The following SGCZ variants were observed in gnomAD, a reference collection of about 807,000 sequenced individuals.
SGCZ encodes the protein zeta-sarcoglycan.
A neutral mutation model predicts 41.3 loss-of-function variants in SGCZ; 40 were observed. The ratio of observed to expected loss-of-function variants is 0.97; its 90% CI spans 0.75 to 1.26. SGCZ has a LOEUF of 1.26. Among genes scored for constraint, SGCZ ranks in the 50% most tolerant of loss-of-function variants. The pLI is 0.00. For missense variants in SGCZ, 552 were observed against 369.8 expected (o/e 1.49, Z -4.04); for synonymous variants, 206 against 137.5 (o/e 1.50, Z -3.49).
At chr8:15,074,227 A>G (rs766721643) in intron 1 of SGCZ, among the ~76,000 whole-genome samples, 3 of 152,150 alleles carry the variant, frequency 2.0e-5, no homozygotes, top group Non-Finnish European at 4.4e-5. Context: ...CTAAACTTCT[A>G]CTAACTTAAG....
intron 4 of SGCZ, among the ~76,000 whole-genome samples, chr8:14,175,979 A>G (rs1804530870): frequency 6.6e-6 from 1 of 152,186 alleles, no homozygotes; most frequent in African/African-American, 2.4e-5. Context: ...CATAACGACA[A>G]AAACTAGAAT....
intron 1 of SGCZ, among the ~76,000 whole-genome samples, chr8:14,988,727 C>T (rs1355485180): frequency 6.6e-6 from 1 of 151,908 alleles, no homozygotes; most frequent in South Asian, 2.1e-4. Context: ...GAAATGTTTC[C>T]TTGTGAAAAT....
chr8:14,873,205 T>A (rs1673173850), intron 1 of SGCZ, among the ~76,000 whole-genome samples: 1 of 152,142 alleles, frequency 6.6e-6, no homozygotes. Flanking sequence ...TAGCTTTGGC[T>A]GGAAGACTGA....
At chr8:14,659,831 A>G (rs1333857806) in intron 1 of SGCZ, among the ~76,000 whole-genome samples, 5 of 152,218 alleles carry the variant, frequency 3.3e-5, no homozygotes, top group Non-Finnish European at 5.9e-5. Flanking sequence ...CTGCATGTGT[A>G]CTATTTCAAG....
intron 1 of SGCZ, among the ~76,000 whole-genome samples, chr8:14,885,697 C>G (rs1353956996): frequency 2.6e-5 from 4 of 151,912 alleles, no homozygotes; most frequent in Non-Finnish European, 5.9e-5. Context: ...AATTGTAGGA[C>G]TCAAGTGATG....
intron 4 of SGCZ, among the ~76,000 whole-genome samples, chr8:14,228,893 CAGATT>C (rs1806465717): frequency 6.6e-6 from 1 of 151,980 alleles, no homozygotes; most frequent in Non-Finnish European, 1.5e-5. Context: ...ATGATTTTAC[CAGATT>C]AGCTACCCTT....
chr8:14,650,224 T>C (rs1807353174), intron 1 of SGCZ, among the ~76,000 whole-genome samples: 1 of 151,958 alleles, frequency 6.6e-6, no homozygotes, highest in African/African-American at 2.4e-5. Flanking sequence ...AGCCAGCAAA[T>C]GGATCAGGAG....
intron 1 of SGCZ, among the ~76,000 whole-genome samples, chr8:15,040,875 T>C (rs1804069741): frequency 6.6e-6 from 1 of 152,178 alleles, no homozygotes; most frequent in Admixed American, 6.5e-5. Flanking sequence ...TGTGGACTGA[T>C]AAATTGTGTT....
intron 1 of SGCZ, among the ~76,000 whole-genome samples, chr8:15,171,428 A>C (rs1251486231): frequency 6.6e-6 from 1 of 152,204 alleles, no homozygotes; most frequent in Non-Finnish European, 1.5e-5. Flanking sequence ...TATCAGGCAC[A>C]GGAAATAATA....
At chr8:15,109,663 C>T (rs1247391518) in intron 1 of SGCZ, among the ~76,000 whole-genome samples, 1 of 152,034 alleles carries the variant, frequency 6.6e-6, no homozygotes, top group African/African-American at 2.4e-5. Context: ...GGGCAAACTC[C>T]AAGCATTTCT....
At chr8:14,414,110 T>C (rs190772795) in intron 2 of SGCZ, among the ~76,000 whole-genome samples, 26 of 152,102 alleles carry the variant, frequency 1.7e-4, no homozygotes, top group Non-Finnish European at 2.1e-4. Context: ...AGCTATATAA[T>C]GTGACTTGCA....
chr8:14,557,217 T>A (rs1804059985), intron 1 of SGCZ, among the ~76,000 whole-genome samples: 1 of 151,938 alleles, frequency 6.6e-6, no homozygotes, highest in African/African-American at 2.4e-5. Context: ...TGTTTATTGG[T>A]CATTTGTATA....
intron 1 of SGCZ, among the ~76,000 whole-genome samples, chr8:14,766,535 T>G (rs1304934656): frequency 6.6e-6 from 1 of 151,926 alleles, no homozygotes; most frequent in Non-Finnish European, 1.5e-5. Context: ...ACTTAATCCA[T>G]TTTTAGTTTT....
At chr8:15,201,988 G>C (rs1009567250) in intron 1 of SGCZ, among the ~76,000 whole-genome samples, 7 of 152,086 alleles carry the variant, frequency 4.6e-5, no homozygotes, top group African/African-American at 1.4e-4. Flanking sequence ...TTTTCATTCT[G>C]ATTTAAAAGA....
chr8:14,785,499 A>G (rs1800740624), intron 1 of SGCZ, among the ~76,000 whole-genome samples: 1 of 152,144 alleles, frequency 6.6e-6, no homozygotes, highest in South Asian at 2.1e-4. Flanking sequence ...ATCGAAAAAT[A>G]CCCAATAGTC....
chr8:15,097,807 T>G (rs1806412112), intron 1 of SGCZ, among the ~76,000 whole-genome samples: 1 of 132,072 alleles, frequency 7.6e-6, no homozygotes, highest in African/African-American at 3.1e-5. Flanking sequence ...CGTGTATATA[T>G]ATATATACGT....
intron 1 of SGCZ, among the ~76,000 whole-genome samples, chr8:14,774,052 A>G (rs899429910): frequency 6.6e-6 from 1 of 152,146 alleles, no homozygotes; most frequent in Non-Finnish European, 1.5e-5. Flanking sequence ...CATTATTCCG[A>G]GTGTTTTTGC....
intron 1 of SGCZ, among the ~76,000 whole-genome samples, chr8:14,708,995 A>T (rs1229893041): frequency 6.6e-6 from 1 of 152,168 alleles, no homozygotes; most frequent in Non-Finnish European, 1.5e-5. Flanking sequence ...CCCAATTTAT[A>T]AGTCCTTAAT....
At chr8:14,530,230 AT>A (rs1480303036) in intron 2 of SGCZ, among the ~76,000 whole-genome samples, 1 of 152,030 alleles carries the variant, frequency 6.6e-6, no homozygotes, top group East Asian at 1.9e-4. Context: ...TTTAAAAAAA[AT>A]ATACTACCCT....
Sources: allele counts gnomAD v4.1 joint callset (sites outside exome capture counted in the v4.1 genomes callset), GRCh38; gene constraint gnomAD v4.1.1; transcripts MANE v1.5; gene names NCBI Gene and HGNC (gene_info 2026-07-23, HGNC 2026-07-21).